The following CACNA1E variants were observed in gnomAD, a reference collection of about 807,000 sequenced individuals.
CACNA1E encodes voltage-dependent R-type calcium channel subunit alpha-1E.
Under a neutral mutation model 259.2 loss-of-function variants are expected in CACNA1E, and 40 were observed. The observed-to-expected ratio is 0.15, with a 90% CI of 0.12 to 0.20. The LOEUF (loss-of-function observed/expected upper bound fraction) is 0.20, where lower values mean the gene tolerates loss of function less well. Among genes scored for constraint, CACNA1E ranks in the 10% least tolerant of loss-of-function variants. The pLI is 1.00. For missense variants in CACNA1E, 1,874 were observed against 3,040.1 expected, an observed-to-expected ratio of 0.62 and a Z score of 9.02; for synonymous variants, 1,104 against 1,138.5, an observed-to-expected ratio of 0.97 and a Z score of 0.61.
rs188911163 is a variant in CACNA1E, at chr1:181,728,306, A to T, written c.2240+2144A>T. Among the ~76,000 whole-genome samples, 3 of 152,308 alleles carry T rather than the reference A, an allele frequency of 2.0e-5. No homozygotes were observed. The East Asian group carries it at 5.8e-4, about 29-fold the overall frequency. On this transcript the variant is annotated intron_variant, in intron 18 of 47. Transcript: ENST00000367573. Reference sequence around the variant, plus strand: ...AACGCTTGGCCCAGAGTAGAAACTCACTATTTCTGGAATGAAAGAATGAAT... The same window carrying T: ...AACGCTTGGCCCAGAGTAGAAACTCTCTATTTCTGGAATGAAAGAATGAAT...
rs145083952 is a variant in CACNA1E, at chr1:181,639,671, C to T, written c.952-11667C>T. Among the ~76,000 whole-genome samples the T allele has an allele frequency of 2.9e-3, 443 of 152,210 alleles. 3 individuals are homozygous for T. The highest frequency in any genetic ancestry group is 0.01 in the African/African-American group (419 of 41,536). On this transcript the variant is annotated intron_variant, in intron 6 of 47. Coordinates refer to ENST00000367573, the MANE Select transcript of CACNA1E (RefSeq NM_001205293.3). ...GGTCAAAGTAAAAAGGGATTCTTTC[C>T]GATGTTTCCCAGATTGGAGAAACAA...
chr1:181,389,750 A>C (rs967449034), intron 1 of CACNA1E, among the ~76,000 whole-genome samples: 7 of 152,124 alleles, frequency 4.6e-5, no homozygotes, highest in Admixed American at 4.6e-4. Context: ...ACAGTGTTTC[A>C]CCCAGAGTGG....
At chr1:181,372,914 G>T (rs1202620551) in intron 1 of CACNA1E, among the ~76,000 whole-genome samples, 1 of 151,390 alleles carries the variant, frequency 6.6e-6, no homozygotes, top group South Asian at 2.1e-4. Context: ...TTTGTTTTTA[G>T]TTCTGTTTAT....
At chr1:181,465,256 C>T (rs75726121) in intron 2 of CACNA1E, among the ~76,000 whole-genome samples, 14,233 of 151,956 alleles carry the variant, frequency 0.094, 822 homozygotes, top group South Asian at 0.19. Context: ...AGATTTTTTC[C>T]TTCATATTTT....
At chr1:181,555,439 A>G (rs1258806474) in intron 3 of CACNA1E, among the ~76,000 whole-genome samples, 1 of 152,202 alleles carries the variant, frequency 6.6e-6, no homozygotes, top group African/African-American at 2.4e-5. Flanking sequence ...GGCACCATAT[A>G]CATAGAGTTC....
intron 6 of CACNA1E, among the ~76,000 whole-genome samples, chr1:181,626,279 G>A (rs925999775): frequency 2.0e-5 from 3 of 152,330 alleles, no homozygotes; most frequent in Admixed American, 2.0e-4. Context: ...ACTCAGGGTT[G>A]TAAAAAATGC....
chr1:181,479,422 A>G (rs1052595687), upstream of CACNA1E, among the ~76,000 whole-genome samples: 2 of 152,196 alleles, frequency 1.3e-5, no homozygotes, highest in African/African-American at 4.8e-5. Flanking sequence ...CTGGTTTCCA[A>G]TCAGAGTTAT....
intron 18 of CACNA1E, among the ~76,000 whole-genome samples, chr1:181,730,811 A>G (rs1655401297): frequency 6.6e-6 from 1 of 152,178 alleles, no homozygotes; most frequent in South Asian, 2.1e-4. Context: ...GAAGAAAACT[A>G]CTCAGCAACA....
chr1:181,786,733 A>G (rs1660878678), intron 43 of CACNA1E, among the ~76,000 whole-genome samples: 1 of 152,228 alleles, frequency 6.6e-6, no homozygotes, highest in Non-Finnish European at 1.5e-5. Context: ...ACAAAGTCCC[A>G]GTTCTTACAA....
At chr1:181,326,942 G>A (rs1650841034) in intron 1 of CACNA1E, among the ~76,000 whole-genome samples, 1 of 152,228 alleles carries the variant, frequency 6.6e-6, no homozygotes, top group South Asian at 2.1e-4. Flanking sequence ...CACCCCACGT[G>A]GGCCTGGCTC....
intron 38 of CACNA1E, chr1:181,779,422 C>T (rs1660228074): frequency 2.3e-6 from 1 of 433,298 alleles, no homozygotes; most frequent in Non-Finnish European, 4.7e-6. Flanking sequence ...TCCTATTAAC[C>T]CACCTGTGCT....
chr1:181,490,613 G>A lies in CACNA1E; in HGVS notation c.266+6603G>A, dbSNP rs555698800. On this transcript the variant is annotated intron_variant, in intron 1 of 47. Coordinates refer to ENST00000367573, the MANE Select transcript of CACNA1E (RefSeq NM_001205293.3). ...TGTTGCAACTCTGCATAATCTTGAG[G>A]CTATATTTTTGTGTGTGTGCTGCAT... Among the ~76,000 whole-genome samples the A allele has an allele frequency of 7.3e-5, 11 of 151,326 alleles. No homozygotes were observed. In the East Asian group the frequency reaches 2.1e-3, roughly 29 times the overall value.
rs182063829 is a variant in CACNA1E, at chr1:181,695,884, G to A, written c.1056-15070G>A. Among the ~76,000 whole-genome samples the A allele has an allele frequency of 1.2e-4, 18 of 152,308 alleles. No individual in the cohort carries two copies. In the East Asian group the frequency reaches 3.3e-3, roughly 28 times the overall value. On this transcript the variant is annotated intron_variant, in intron 7 of 47. Coordinates refer to ENST00000367573, the MANE Select transcript of CACNA1E (RefSeq NM_001205293.3). ...ACATGACAATTGCTTGAATCCAGGA[G>A]GCGGAGGTTGCAGTGAGTTGAGATT...
chr1:181,601,978 T>A (rs1034010600), intron 6 of CACNA1E, among the ~76,000 whole-genome samples: 6 of 152,216 alleles, frequency 3.9e-5, no homozygotes, highest in Admixed American at 6.5e-5. Flanking sequence ...CTTGCTAACA[T>A]GGGTCTTGCT....
chr1:181,511,261 C>A, intron 2 of CACNA1E, 110 bp from the exon 3 acceptor site: 1 of 1,300,114 alleles, frequency 7.7e-7, no homozygotes, highest in South Asian at 1.3e-5. Flanking sequence ...CCCACCTACA[C>A]ATGGGCAGGC....
chr1:181,532,610 A>G (rs1667868957), intron 3 of CACNA1E, among the ~76,000 whole-genome samples: 2 of 152,206 alleles, frequency 1.3e-5, no homozygotes, highest in African/African-American at 4.8e-5. Flanking sequence ...TGACTTCCAG[A>G]CCAGTGATTC....
chr1:181,630,570 G>A (rs149351456), intron 6 of CACNA1E, among the ~76,000 whole-genome samples: 1,731 of 152,138 alleles, frequency 0.011, 33 homozygotes, highest in African/African-American at 0.04. Flanking sequence ...ATACGGCCCA[G>A]GCACTCCTCT....
At chr1:181,711,108 G>T (rs1405241159) in intron 8 of CACNA1E, 39 bp downstream of exon 8, 3 of 1,389,174 alleles carry the variant, frequency 2.2e-6, no homozygotes, top group African/African-American at 2.8e-5. Context: ...TGAGTGGGCT[G>T]CAGAGACATC....
intron 1 of CACNA1E, among the ~76,000 whole-genome samples, chr1:181,375,025 G>A (rs974652909): frequency 6.6e-6 from 1 of 152,144 alleles, no homozygotes; most frequent in Non-Finnish European, 1.5e-5. Context: ...TAGTTAAGAT[G>A]AATCAAAAAG....
Sources: gnomAD v4.1 joint callset for allele counts (sites outside exome capture counted in the v4.1 genomes callset) on GRCh38, gnomAD v4.1.1 for gene constraint, MANE v1.5 for transcripts, NCBI Gene and HGNC (gene_info 2026-07-23, HGNC 2026-07-21) for gene names.